Variants in GRID2IP observed in about 807,000 individuals in gnomAD.
GRID2IP encodes delphilin.
In GRID2IP, 78 loss-of-function variants were observed where a neutral mutation model predicts 114.3. The observed-to-expected ratio is 0.68, with a 90% CI of 0.57 to 0.82. The LOEUF (loss-of-function observed/expected upper bound fraction) is 0.82, where lower values mean the gene tolerates loss of function less well. GRID2IP is among the 40% of genes least tolerant of loss of function. The pLI is 0.00. For synonymous variants in GRID2IP, 809 were observed against 724.0 expected (o/e 1.12, Z -1.89); for missense variants, 1,727 against 1,678.5 (o/e 1.03, Z -0.51).
In GRID2IP at chr7:6,536,296, A is replaced by T. The variant is rs572966160; in HGVS notation, c.584+3422T>A. Among the ~76,000 whole-genome samples the T allele has an allele frequency of 6.6e-6, 1 of 152,160 alleles. No homozygotes were observed. Among genetic ancestry groups the T allele is most frequent in the Non-Finnish European group, 1.5e-5 (1 of 68,014 alleles). On this transcript the variant is annotated intron_variant, in intron 2 of 21. Coordinates refer to ENST00000457091, the MANE Select transcript of GRID2IP (RefSeq NM_001145118.2). This position sits in a 1 kb window ranked among gnomAD's most constrained non-coding sequence, Gnocchi z 5.3. ...GCAGCCTCCCCAGTTTTCCTGGCGC[A>T]CTTGACACGCGCTTACAGCAGAGGC...
Position 6,510,923 on chromosome 7 carries a change from C to A in GRID2IP, c.1540G>T (p.Ala514Ser), listed in dbSNP as rs756306500. The change falls in exon 9 of 22, where the codon GCC (alanine) becomes TCC (serine). Residue 514 changes from alanine (A) to serine (S), a missense_variant. Transcript: ENST00000457091. Reference protein sequence around the residue: ...RRSLRSQGLEAGLSCGPSECP... With the variant: ...RRSLRSQGLESGLSCGPSECP... The stretch of plus-strand genomic sequence containing the variant: ...CCAGCCTTACCGCAGCTGAGGCCGG[C>A]CTCCAGGCCCTGGGACCGGAGGCTG... 6 of 1,549,592 alleles carry A rather than the reference C, an allele frequency of 3.9e-6. 1 individual carries two copies. The Admixed American group carries it at 5.9e-5, about 15-fold the overall frequency.
chr7:6,526,645 C>G lies in GRID2IP; in HGVS notation c.709G>C (p.Glu237Gln). 16 of 1,385,582 alleles carry G rather than the reference C, an allele frequency of 1.2e-5. No individual in the cohort carries two copies. Among genetic ancestry groups the G allele is most frequent in the Non-Finnish European group, 1.4e-5 (15 of 1,071,024 alleles). The allele number at this position is 1,385,582 out of a possible 1,614,324, so 85.8% of individuals were successfully genotyped here. A position where few individuals can be genotyped will look rare whatever the true frequency, so the allele number is the denominator to read the frequency against. The change falls in exon 3 of 22, where the codon GAG becomes CAG. Residue 237 changes from glutamate to glutamine, a missense_variant. Transcript: ENST00000457091. The surrounding 1 kb of genome is among the most constrained non-coding windows in gnomAD (Gnocchi z 7.6). ...AQRLRRSRSE[E>Q]RPERLLVSTR... is the part of the protein sequence containing the mutation. ...GACACCAGGAGGCGCTCCGGCCGCT[C>G]CTCGCTGCGGCTCCGGCGCAGTCGC...
intron 11 of GRID2IP, 30 bp downstream of exon 11, chr7:6,510,253 G>C (rs1188688568): frequency 7.0e-7 from 1 of 1,421,582 alleles, no homozygotes; most frequent in South Asian, 1.3e-5. Context: ...GAAACACCCA[G>C]ACAGTAGATG....
In GRID2IP at chr7:6,523,776, G is replaced by T. The variant is rs753547824; in HGVS notation, c.920-1819C>A. ...TGGGCTCAAGTGATCTTCCTGCCTC[G>T]GCCTCCCAAAGTGCTGGGATTACAA... On this transcript the variant is annotated intron_variant, in intron 4 of 21. Transcript: ENST00000457091. This position sits in a 1 kb window ranked among gnomAD's most constrained non-coding sequence, Gnocchi z 4.5. Among the ~76,000 whole-genome samples, 9 of 151,754 alleles carry T rather than the reference G, an allele frequency of 5.9e-5. No homozygotes were observed. The highest frequency in any genetic ancestry group is 2.0e-4 in the Admixed American group (3 of 15,182).
At chr7:6,513,682 A>T (rs1323788630) in intron 8 of GRID2IP, among the ~76,000 whole-genome samples, 1 of 152,182 alleles carries the variant, frequency 6.6e-6, no homozygotes, top group African/African-American at 2.4e-5. Flanking sequence ...TCACGCTGGG[A>T]AGGCGCGTCC....
rs77687654 is a variant in GRID2IP at position 6,538,040 on chromosome 7, A to G, written c.584+1678T>C. Reference sequence around the variant, plus strand: ...TGATTCAGTGAAAGAGTGTTCCTCTAGTGTCTGCTGAGGTCCTTGGCACAC... The same window carrying G: ...TGATTCAGTGAAAGAGTGTTCCTCTGGTGTCTGCTGAGGTCCTTGGCACAC... On this transcript the variant is annotated intron_variant, in intron 2 of 21. Transcript: ENST00000457091. 1.7e-3 allele frequency among the ~76,000 whole-genome samples: 264 copies of G among 152,110 alleles called. 2 individuals carry two copies. Among genetic ancestry groups the G allele is most frequent in the Non-Finnish European group, 3.0e-3 (205 of 67,998 alleles).
At position 6,497,589 on chromosome 7, in the gene GRID2IP, G is replaced by T; in HGVS notation, c.*185C>A. The T allele has an allele frequency of 1.9e-6, 1 of 532,076 alleles. No homozygotes were observed. Among genetic ancestry groups the T allele is most frequent in the South Asian group, 2.5e-5 (1 of 40,530 alleles). 33.0% of individuals were successfully genotyped at this position (532,076 alleles called of 1,614,324 possible). A position where few individuals can be genotyped will look rare whatever the true frequency, so the allele number is the denominator to read the frequency against. ...CCTACAGCATCTGGCTCTGGGCCTGGGGGTAGGAACAAGGGCTGGCAGAGG... is the reference window on the plus strand; with the variant it reads ...CCTACAGCATCTGGCTCTGGGCCTGTGGGTAGGAACAAGGGCTGGCAGAGG... On this transcript the variant is annotated 3_prime_UTR_variant, in exon 22 of 22. Coordinates refer to ENST00000457091, the MANE Select transcript of GRID2IP (RefSeq NM_001145118.2).
chr7:6,513,646 G>T (rs1779224790), intron 8 of GRID2IP, among the ~76,000 whole-genome samples: 1 of 152,174 alleles, frequency 6.6e-6, no homozygotes, highest in Non-Finnish European at 1.5e-5. Flanking sequence ...AAAGTCTCAG[G>T]TTATGTTGTA....
In GRID2IP at chr7:6,509,270, G is replaced by A; in HGVS notation, c.1815C>T (p.Leu605=). ...GCGGGTGGTAGCAGGGGGAGGGCAA[G>A]AGTCGCTCGCTGGGCCATGAGACGC... The part of the protein sequence containing the change: ...LSGVSWPSER[L]LPSPCYHPLC... Residue 605 remains leucine (L), a synonymous_variant, in exon 12 of 22, where the codon CTC becomes CTT. Transcript: ENST00000457091. The surrounding 1 kb of genome is among the most constrained non-coding windows in gnomAD (Gnocchi z 4.9). 1 of 1,528,792 alleles carries A rather than the reference G, an allele frequency of 6.5e-7. No homozygotes were observed. The highest frequency in any genetic ancestry group is 8.8e-7 in the Non-Finnish European group (1 of 1,135,684). 94.7% of individuals were successfully genotyped at this position (1,528,792 alleles called of 1,614,324 possible). A position where few individuals can be genotyped will look rare whatever the true frequency, so the allele number is the denominator to read the frequency against.
intron 1 of GRID2IP, among the ~76,000 whole-genome samples, chr7:6,541,672 G>A (rs1779817205): frequency 6.6e-6 from 1 of 152,164 alleles, no homozygotes; most frequent in Non-Finnish European, 1.5e-5. Flanking sequence ...TGCACACGTT[G>A]GAAACGAGTG....
intron 1 of GRID2IP, among the ~76,000 whole-genome samples, chr7:6,545,259 A>G (rs1286470657): frequency 6.6e-6 from 1 of 152,084 alleles, no homozygotes; most frequent in Non-Finnish European, 1.5e-5. Flanking sequence ...AGCCTGGGTG[A>G]CAGATCAAGA....
In GRID2IP at chr7:6,526,746, C is replaced by A. The variant is rs1429091679; in HGVS notation, c.608G>T (p.Arg203Leu). ...AGACACCACCTCGTCGAAGCGCGCC[C>A]GGTGCTTCTTGGGGATGAAGATCCT... ...NLRIFIPKKHRARFDEVVSQG... is the reference protein window; with the variant it reads ...NLRIFIPKKHLARFDEVVSQG... The change falls in exon 3 of 22, where the codon CGG (arginine) becomes CTG (leucine). Residue 203 changes from arginine (R) to leucine (L), a missense_variant. Transcript: ENST00000457091. This position sits in a 1 kb window ranked among gnomAD's most constrained non-coding sequence, Gnocchi z 7.6. The A allele has an allele frequency of 6.6e-7, 1 of 1,524,308 alleles. No individual in the cohort carries two copies. The highest frequency in any genetic ancestry group is 8.8e-7 in the Non-Finnish European group (1 of 1,135,958). The allele number at this position is 1,524,308 out of a possible 1,614,324, so 94.4% of individuals were successfully genotyped here. A position where few individuals can be genotyped will look rare whatever the true frequency, so the allele number is the denominator to read the frequency against.
intron 1 of GRID2IP, among the ~76,000 whole-genome samples, chr7:6,540,555 C>T (rs1779799688): frequency 6.6e-6 from 1 of 151,600 alleles, no homozygotes; most frequent in Non-Finnish European, 1.5e-5. Context: ...GAGTCTCACT[C>T]TGCCACCCAG....
chr7:6,543,895 C>G (rs1186262987), intron 1 of GRID2IP, among the ~76,000 whole-genome samples: 1 of 152,052 alleles, frequency 6.6e-6, no homozygotes, highest in African/African-American at 2.4e-5. Flanking sequence ...CTCCTGAGTT[C>G]AAGCAGTTCT....
At chr7:6,511,155 CG>C in intron 8 of GRID2IP, 116 bp from the exon 9 acceptor site, 1 of 1,239,718 alleles carries the variant, frequency 8.1e-7, no homozygotes, top group Non-Finnish European at 1.0e-6. Context: ...CCCCAAGCTA[CG>C]GGGCCTGCCC....
At chr7:6,513,177 C>T (rs941646524) in intron 8 of GRID2IP, among the ~76,000 whole-genome samples, 1 of 152,094 alleles carries the variant, frequency 6.6e-6, no homozygotes. Flanking sequence ...TGGTCGTGTG[C>T]TCATGATCCT....
chr7:6,550,279 T>A (rs1199080833), intron 1 of GRID2IP, among the ~76,000 whole-genome samples: 1 of 152,124 alleles, frequency 6.6e-6, no homozygotes, highest in Admixed American at 6.6e-5. Context: ...ATCTAGCACC[T>A]GGCCTGCAGT....
intron 20 of GRID2IP, among the ~76,000 whole-genome samples, 182 bp from the exon 21 acceptor site, chr7:6,498,410 G>T (rs1786320395): frequency 6.6e-6 from 1 of 151,896 alleles, no homozygotes; most frequent in African/African-American, 2.4e-5. Flanking sequence ...ACTGGCCACT[G>T]AACTCATCCT....
chr7:6,548,406 A>G (rs1022477421), intron 1 of GRID2IP, among the ~76,000 whole-genome samples: 2 of 152,114 alleles, frequency 1.3e-5, no homozygotes, highest in African/African-American at 2.4e-5. Flanking sequence ...AACTCAAAAG[A>G]TAAATGCTTG....
Sources: allele counts gnomAD v4.1 joint callset (sites outside exome capture counted in the v4.1 genomes callset), GRCh38; gene constraint gnomAD v4.1.1; non-coding constraint Gnocchi (gnomAD v3.1); transcripts MANE v1.5; gene names NCBI Gene and HGNC (gene_info 2026-07-23, HGNC 2026-07-21).